The following ERCC3 variants were observed in gnomAD, a reference collection of about 807,000 sequenced individuals.
The protein encoded by ERCC3 is general transcription and DNA repair factor IIH helicase/translocase subunit XPB.
In ERCC3, 66 loss-of-function variants were observed where a neutral mutation model predicts 94.2. That is an observed-to-expected ratio of 0.70 (90% CI 0.57 to 0.86). The LOEUF is 0.86. Ranked by LOEUF, ERCC3 falls within the 40% of genes least tolerant of loss-of-function variation. The pLI, the probability that ERCC3 is intolerant of heterozygous loss-of-function variation, is 0.00. For synonymous variants in ERCC3, 349 were observed against 369.1 expected, an observed-to-expected ratio of 0.95 and a Z score of 0.63; for missense variants, 829 against 987.1, an observed-to-expected ratio of 0.84 and a Z score of 2.15.
chr2:127,273,567 T>C (rs1684634389), intron 10 of ERCC3, among the ~76,000 whole-genome samples: 1 of 151,506 alleles, frequency 6.6e-6, no homozygotes, highest in Admixed American at 6.6e-5. Context: ...CTGACCAACA[T>C]GAAGAAACCC....
Position 127,271,481 on chromosome 2 carries a change from T to C in ERCC3, c.1828-28A>G, listed in dbSNP as rs376510230. The C allele has an allele frequency of 2.0e-4, 301 of 1,492,674 alleles. 2 individuals carry two copies. In the Middle Eastern group the frequency reaches 5.8e-3, roughly 29 times the overall value. 92.5% of individuals were successfully genotyped at this position (1,492,674 alleles called of 1,614,324 possible). A position where few individuals can be genotyped will look rare whatever the true frequency, so the allele number is the denominator to read the frequency against. The stretch of plus-strand genomic sequence containing the variant: ...ACAGAAACAAGTTGGAAGGTTTTTA[T>C]ATATGAGGAAAAAAAAAAAGTCAAC... On this transcript the variant is annotated intron_variant, in intron 11 of 14. Transcript: ENST00000285398. This position sits in a 1 kb window ranked among gnomAD's most constrained non-coding sequence, Gnocchi z 5.0.
chr2:127,270,304 T>C lies in ERCC3; in HGVS notation c.1945+1032A>G, dbSNP rs143675947. Among the ~76,000 whole-genome samples, 1,280 of 152,222 alleles carry C rather than the reference T, an allele frequency of 8.4e-3. 21 individuals carry two copies. Among genetic ancestry groups the C allele is most frequent in the African/African-American group, 0.029 (1,220 of 41,534 alleles). On this transcript the variant is annotated intron_variant, in intron 12 of 14. Transcript: ENST00000285398. ...CCTCCCAAAGTGCTGGGATTATAGGTGTAAGCCACTGTGCCCAGCCAGCCG... is the reference window on the plus strand; with the variant it reads ...CCTCCCAAAGTGCTGGGATTATAGGCGTAAGCCACTGTGCCCAGCCAGCCG...
chr2:127,262,848 C>G (rs761900076), intron 12 of ERCC3: 4 of 152,182 alleles, frequency 2.6e-5, no homozygotes, highest in Admixed American at 6.6e-5. Flanking sequence ...TGGTGATAGG[C>G]AGGGGTCTGG....
chr2:127,275,165 G>C (rs1389481503), intron 10 of ERCC3, among the ~76,000 whole-genome samples: 1 of 152,086 alleles, frequency 6.6e-6, no homozygotes, highest in African/African-American at 2.4e-5. Context: ...CCACACACGA[G>C]CAAAGAATGG....
At chr2:127,266,861 C>T (rs1219367715) in intron 12 of ERCC3, among the ~76,000 whole-genome samples, 3 of 151,878 alleles carry the variant, frequency 2.0e-5, no homozygotes, top group Non-Finnish European at 4.4e-5. Flanking sequence ...GGACTACAGG[C>T]GCATGCCGCC....
chr2:127,290,652 A>G (rs1685238446), intron 3 of ERCC3: 1 of 321,044 alleles, frequency 3.1e-6, no homozygotes, highest in Admixed American at 4.4e-5. Context: ...TAAAATGCAA[A>G]GCCTCTTCAC....
chr2:127,262,354 G>C (rs150652230), intron 12 of ERCC3: 122 of 152,326 alleles, frequency 8.0e-4, no homozygotes, highest in African/African-American at 2.8e-3. Context: ...TTAGCCAGGC[G>C]TGGTGGCTCA....
At chr2:127,265,607 CG>C (rs1251204941) in intron 12 of ERCC3, among the ~76,000 whole-genome samples, 1 of 152,042 alleles carries the variant, frequency 6.6e-6, no homozygotes. Flanking sequence ...TTAGTAGAGA[CG>C]GGGTTTCTCC....
intron 11 of ERCC3, among the ~76,000 whole-genome samples, chr2:127,272,393 A>G (rs1684587852): frequency 6.6e-6 from 1 of 152,134 alleles, no homozygotes; most frequent in African/African-American, 2.4e-5. Flanking sequence ...CTGTGGGGCT[A>G]CAGCTTCTGA....
Position 127,286,963 on chromosome 2 carries a change from C to G in ERCC3, c.1082G>C (p.Cys361Ser), listed in dbSNP as rs775716891. The G allele has an allele frequency of 5.0e-6, 8 of 1,613,964 alleles. No individual in the cohort carries two copies. In the African/African-American group the frequency reaches 8.0e-5, roughly 16 times the overall value. The change falls in exon 8 of 15, where the codon TGT becomes TCT. Residue 361 changes from cysteine (C) to serine (S), a missense_variant. By Grantham distance (112) the Cys-to-Ser change is moderately radical. Transcript: ENST00000285398. ...VTAACTVRKR[C>S]LVLGNSAVSV... ...AACAGCTGAGTTGCCCAGCACCAGA[C>G]AGCGTTTTCTGACAGTGCATGCAGC...
At chr2:127,290,411 G>A (rs1394928670) in intron 3 of ERCC3, 138 bp from the exon 4 acceptor site, 7 of 750,634 alleles carry the variant, frequency 9.3e-6, no homozygotes, top group African/African-American at 8.6e-5. Flanking sequence ...ATCCTAAAGT[G>A]GTCAGATGTG....
rs957537155 is a variant in ERCC3, at chr2:127,264,006, G to A, written c.1946-2660C>T. On this transcript the variant is annotated intron_variant, in intron 12 of 14. Transcript: ENST00000285398. The surrounding 1 kb of genome is among the most constrained non-coding windows in gnomAD (Gnocchi z 4.4). ...ATTACAGGCAAGAGCCACCGTGCCC[G>A]GCTGTCTTGTTCCAGTTCTTAAAGG... Among the ~76,000 whole-genome samples the A allele has an allele frequency of 5.9e-5, 9 of 151,728 alleles. 1 individual carries two copies. The highest frequency in any genetic ancestry group is 1.0e-4 in the Non-Finnish European group (7 of 67,948).
In ERCC3 at chr2:127,284,074, TTCTC is replaced by T. The variant is rs914353622; in HGVS notation, c.1342+2625_1342+2628del. The T allele has an allele frequency of 2.0e-5, 3 of 152,198 alleles. No homozygotes were observed. Among genetic ancestry groups the T allele is most frequent in the Non-Finnish European group, 4.4e-5 (3 of 68,034 alleles). 9.4% of individuals were successfully genotyped at this position (152,198 alleles called of 1,614,324 possible). A position where few individuals can be genotyped will look rare whatever the true frequency, so the allele number is the denominator to read the frequency against. On this transcript the variant is annotated intron_variant, in intron 8 of 14. Transcript: ENST00000285398. This position sits in a 1 kb window ranked among gnomAD's most constrained non-coding sequence, Gnocchi z 4.1. ...CAAAAACCTTAGTGTCATTCTTGAT[TTCTC>T]TCTGATTCCACACCTGACCTGTCAA... is the stretch of plus-strand genomic sequence containing the variant.
chr2:127,290,624 C>A (rs1685237596), intron 3 of ERCC3: 2 of 361,748 alleles, frequency 5.5e-6, no homozygotes, highest in Non-Finnish European at 1.1e-5. Context: ...AGTATGTGCA[C>A]AGTAATTGCG....
rs536790964 is a variant in ERCC3 at position 127,271,269 on chromosome 2, C to T, written c.1945+67G>A. 5.5e-5 allele frequency: 61 copies of T among 1,100,558 alleles called. No homozygotes were observed. Among genetic ancestry groups the T allele is most frequent in the Middle Eastern group, 3.9e-4 (2 of 5,156 alleles). The allele number at this position is 1,100,558 out of a possible 1,614,324, so 68.2% of individuals were successfully genotyped here. The stretch of plus-strand genomic sequence containing the variant: ...GGCACATGGCAGCTCTCACCCCTAT[C>T]GTCTTCCTAACTAAAGTGGTTTAAG... On this transcript the variant is annotated intron_variant, in intron 12 of 14. Coordinates refer to ENST00000285398, the MANE Select transcript of ERCC3 (RefSeq NM_000122.2). This position sits in a 1 kb window ranked among gnomAD's most constrained non-coding sequence, Gnocchi z 5.0.
At position 127,270,764 on chromosome 2, in the gene ERCC3, C is replaced by T. The variant is rs970541745; in HGVS notation, c.1945+572G>A. Among the ~76,000 whole-genome samples the T allele has an allele frequency of 1.1e-4, 16 of 152,262 alleles. No individual in the cohort carries two copies. In the East Asian group the frequency reaches 1.5e-3, roughly 15 times the overall value. On this transcript the variant is annotated intron_variant, in intron 12 of 14. Transcript: ENST00000285398. ...ACAATGGCAGTCTGGGCCCTTTTAC[C>T]GCAGTAAGCAAGCACAGGGGTGCCA...
chr2:127,294,111 C>G lies in ERCC3; in HGVS notation c.-30G>C. The G allele has an allele frequency of 6.2e-7, 1 of 1,603,970 alleles. No homozygotes were observed. Among genetic ancestry groups the G allele is most frequent in the Non-Finnish European group, 8.5e-7 (1 of 1,178,678 alleles). ...GCTACAGCAGCAGAGAGAAGATGACCCCGCTCCCACAGGCCCGCCGCGGCA... is the reference window on the plus strand; with the variant it reads ...GCTACAGCAGCAGAGAGAAGATGACGCCGCTCCCACAGGCCCGCCGCGGCA... On this transcript the variant is annotated 5_prime_UTR_variant, in exon 1 of 15. Coordinates refer to ENST00000285398, the MANE Select transcript of ERCC3 (RefSeq NM_000122.2).
rs1685090420 is a variant in ERCC3 at position 127,286,910 on chromosome 2, T to G, written c.1135A>C (p.Lys379Gln). The G allele has an allele frequency of 6.2e-7, 1 of 1,614,262 alleles. No individual in the cohort carries two copies. Among genetic ancestry groups the G allele is most frequent in the African/African-American group, 1.3e-5 (1 of 75,084 alleles). The change falls in exon 8 of 15, where the codon AAG becomes CAG. Residue 379 changes from lysine (K) to glutamine (Q), a missense_variant. Lys to Gln is a moderately conservative substitution (Grantham distance 53). Transcript: ENST00000285398. ...CTGTCGTCAATGGTGGACCACATCT[T>G]GAACTGGGCTTTCCACTGCTCCACA... ...VSVEQWKAQF[K>Q]MWSTIDDSQI...
In ERCC3 at chr2:127,257,743, A is replaced by T. The variant is rs765956513; in HGVS notation, c.2218-16T>A. On this transcript the variant is annotated splice_polypyrimidine_tract_variant and intron_variant, in intron 14 of 14. Coordinates refer to ENST00000285398, the MANE Select transcript of ERCC3 (RefSeq NM_000122.2). The surrounding 1 kb of genome is among the most constrained non-coding windows in gnomAD (Gnocchi z 5.4). ...GCCGAGATGCCTGCCGGGAAGGGGG[A>T]ACCAGCCCATGTTAGTCTCCAGAAG... is the stretch of plus-strand genomic sequence containing the variant. 1.2e-6 allele frequency: 2 copies of T among 1,614,028 alleles called. No individual in the cohort carries two copies. Among genetic ancestry groups the T allele is most frequent in the Middle Eastern group, 1.6e-4 (1 of 6,084 alleles).
Sources: allele counts gnomAD v4.1 joint callset (sites outside exome capture counted in the v4.1 genomes callset), GRCh38; gene constraint gnomAD v4.1.1; non-coding constraint Gnocchi (gnomAD v3.1); transcripts MANE v1.5; gene names NCBI Gene and HGNC (gene_info 2026-07-23, HGNC 2026-07-21).